CRKL: variants seen among roughly 807,000 people sequenced by gnomAD.
CRKL encodes the protein crk-like protein.
A neutral mutation model predicts 23.0 loss-of-function variants in CRKL; 3 were observed. The ratio of observed to expected loss-of-function variants is 0.13; its 90% CI spans 0.06 to 0.34. CRKL has a LOEUF of 0.34. Among genes scored for constraint, CRKL ranks in the 10% least tolerant of loss-of-function variants. The pLI is 1.00. For missense variants in CRKL, 256 were observed against 394.5 expected (o/e 0.65, Z 2.97); for synonymous variants, 188 against 160.7 (o/e 1.17, Z -1.28).
intron 2 of CRKL, among the ~76,000 whole-genome samples, chr22:20,938,800 A>G (rs1246404503): frequency 6.6e-6 from 1 of 152,162 alleles, no homozygotes; most frequent in Non-Finnish European, 1.5e-5. Context: ...ATTTGTATGA[A>G]AATTTGTATT....
chr22:20,931,950 T>C (rs1168047360), intron 1 of CRKL, among the ~76,000 whole-genome samples: 2 of 151,754 alleles, frequency 1.3e-5, no homozygotes, highest in Non-Finnish European at 2.9e-5. Flanking sequence ...TAAGTGGGAC[T>C]ACAGGCACCC....
intron 2 of CRKL, among the ~76,000 whole-genome samples, chr22:20,935,718 GT>G (rs1296070433): frequency 6.6e-6 from 1 of 151,566 alleles, no homozygotes; most frequent in Non-Finnish European, 1.5e-5. Flanking sequence ...TAGAGACGGG[GT>G]TTCACCATGT....
intron 1 of CRKL, among the ~76,000 whole-genome samples, chr22:20,926,906 G>A (rs1018871809): frequency 3.3e-5 from 5 of 151,834 alleles, no homozygotes; most frequent in African/African-American, 4.8e-5. Flanking sequence ...GAGCTCATGC[G>A]TTCGAGACCA....
chr22:20,918,125 A>G lies in CRKL; in HGVS notation c.191A>G (p.Asn64Ser), dbSNP rs766496631. 1.9e-6 allele frequency: 3 copies of G among 1,613,788 alleles called. No individual in the cohort carries two copies. Among genetic ancestry groups the G allele is most frequent in the Admixed American group, 3.3e-5 (2 of 59,986 alleles). Reference sequence around the variant, plus strand: ...TCGCGGGTCTCCCACTACATCATCAACTCGCTGCCCAACCGCCGTTTTAAG... The same window carrying G: ...TCGCGGGTCTCCCACTACATCATCAGCTCGCTGCCCAACCGCCGTTTTAAG... ...ENSRVSHYII[N>S]SLPNRRFKIG... The change falls in exon 1 of 3, where the codon AAC (asparagine) becomes AGC (serine). Residue 64 changes from asparagine (N) to serine (S), a missense_variant. Physicochemically the swap from Asn to Ser is conservative, Grantham distance 46. Transcript: ENST00000354336.
chr22:20,922,279 C>G (rs2147895295), intron 1 of CRKL, among the ~76,000 whole-genome samples: 1 of 152,132 alleles, frequency 6.6e-6, no homozygotes, highest in Non-Finnish European at 1.5e-5. Flanking sequence ...CCTCAGCCTC[C>G]CAAAGTGCTG....
intron 1 of CRKL, among the ~76,000 whole-genome samples, chr22:20,926,318 T>C (rs1383154745): frequency 6.6e-6 from 1 of 152,184 alleles, no homozygotes; most frequent in Admixed American, 6.6e-5. Flanking sequence ...AGTTTTACTT[T>C]TGAGAAACTG....
At chr22:20,926,567 G>C (rs1181534958) in intron 1 of CRKL, among the ~76,000 whole-genome samples, 1 of 152,142 alleles carries the variant, frequency 6.6e-6, no homozygotes, top group Non-Finnish European at 1.5e-5. Context: ...CTGGAAGCCA[G>C]GTGGTATTTA....
At position 20,917,876 on chromosome 22, in the gene CRKL, T is replaced by A. The variant is rs2147891059; in HGVS notation, c.-59T>A. The A allele has an allele frequency of 6.5e-7, 1 of 1,536,160 alleles. No homozygotes were observed. Among genetic ancestry groups the A allele is most frequent in the South Asian group, 1.2e-5 (1 of 82,656 alleles). On this transcript the variant is annotated 5_prime_UTR_variant, in exon 1 of 3. Transcript: ENST00000354336. Reference sequence around the variant, plus strand: ...CAAAGCCGTCTGCCGGGCTAAGGCGTGCAGAGCAGGCGAGGACAGCCGCCG... The same window carrying A: ...CAAAGCCGTCTGCCGGGCTAAGGCGAGCAGAGCAGGCGAGGACAGCCGCCG...
At chr22:20,945,869 G>T (rs1405798721) in intron 2 of CRKL, among the ~76,000 whole-genome samples, 1 of 152,222 alleles carries the variant, frequency 6.6e-6, no homozygotes, top group East Asian at 1.9e-4. Context: ...TGAATGACTA[G>T]AGGAATAAAA....
At chr22:20,927,658 C>A (rs1465292008) in intron 1 of CRKL, among the ~76,000 whole-genome samples, 1 of 149,884 alleles carries the variant, frequency 6.7e-6, no homozygotes, top group East Asian at 2.0e-4. Context: ...GCCTGGCCAA[C>A]GTGGTGAAAC....
In CRKL at chr22:20,925,173, C is replaced by G. The variant is rs1172091935; in HGVS notation, c.311+6928C>G. Among the ~76,000 whole-genome samples, 4 of 118,304 alleles carry G rather than the reference C, an allele frequency of 3.4e-5. No homozygotes were observed. The Admixed American group carries it at 3.5e-4, about 10-fold the overall frequency. The allele number at this position is 118,304 out of a possible 152,430, so 77.6% of individuals were successfully genotyped here. ...ACTGCACTCCAGCCTGCCAACAGAGCGAGACTCCGTCTCAAAAAAAAAAAA... is the reference window on the plus strand; with the variant it reads ...ACTGCACTCCAGCCTGCCAACAGAGGGAGACTCCGTCTCAAAAAAAAAAAA... On this transcript the variant is annotated intron_variant, in intron 1 of 2. Transcript: ENST00000354336.
At chr22:20,923,870 G>A (rs1325730389) in intron 1 of CRKL, among the ~76,000 whole-genome samples, 1 of 151,198 alleles carries the variant, frequency 6.6e-6, no homozygotes, top group Non-Finnish European at 1.5e-5. Flanking sequence ...AAGTCACCGC[G>A]CCTGGCTACT....
At chr22:20,939,123 C>T (rs1201968504) in intron 2 of CRKL, among the ~76,000 whole-genome samples, 2 of 152,004 alleles carry the variant, frequency 1.3e-5, no homozygotes, top group African/African-American at 2.4e-5. Context: ...AAAACATTCA[C>T]TTCAACAAAA....
chr22:20,940,782 C>G (rs1189891844), intron 2 of CRKL, among the ~76,000 whole-genome samples: 1 of 152,090 alleles, frequency 6.6e-6, no homozygotes, highest in African/African-American at 2.4e-5. Flanking sequence ...TTGAATTGGC[C>G]TTCCCAAGGG....
intron 1 of CRKL, among the ~76,000 whole-genome samples, chr22:20,926,537 ATCTT>A (rs1921209434): frequency 6.6e-6 from 1 of 152,146 alleles, no homozygotes; most frequent in Non-Finnish European, 1.5e-5. Context: ...AACAGGAAGA[ATCTT>A]TCTTTGAGGT....
At chr22:20,941,017 CCTCCT>C (rs1921851356) in intron 2 of CRKL, among the ~76,000 whole-genome samples, 1 of 151,968 alleles carries the variant, frequency 6.6e-6, no homozygotes, top group South Asian at 2.1e-4. Context: ...ATCATGAGTT[CCTCCT>C]GCTGGGTGGC....
rs144180798 is a variant in CRKL at position 20,918,141 on chromosome 22, C to G, written c.207C>G (p.Arg69=). ...SHYIINSLPN[R]RFKIGDQEFD... is the part of the protein sequence containing the mutation. ...ACATCATCAACTCGCTGCCCAACCG[C>G]CGTTTTAAGATCGGGGACCAGGAAT... is the stretch of plus-strand genomic sequence containing the variant. The change falls in exon 1 of 3, where the codon CGC becomes CGG. Residue 69 remains arginine (R), a synonymous_variant. Coordinates refer to ENST00000354336, the MANE Select transcript of CRKL (RefSeq NM_005207.4). 1 of 1,614,090 alleles carries G rather than the reference C, an allele frequency of 6.2e-7. No homozygotes were observed. Among genetic ancestry groups the G allele is most frequent in the African/African-American group, 1.3e-5 (1 of 74,932 alleles).
At chr22:20,923,576 ATTTTT>A (rs34489759) in intron 1 of CRKL, among the ~76,000 whole-genome samples, 1 of 119,856 alleles carries the variant, frequency 8.3e-6, no homozygotes, top group African/African-American at 3.2e-5. Context: ...CGCGCCTGGC[ATTTTT>A]TTTTTTTTTT....
chr22:20,923,433 A>G (rs1467789050), intron 1 of CRKL, among the ~76,000 whole-genome samples: 1 of 149,042 alleles, frequency 6.7e-6, no homozygotes, highest in Non-Finnish European at 1.5e-5. Flanking sequence ...GCCCGCCACC[A>G]TGCCCGGGTA....
Sources: gnomAD v4.1 joint callset for allele counts (sites outside exome capture counted in the v4.1 genomes callset) on GRCh38, gnomAD v4.1.1 for gene constraint, MANE v1.5 for transcripts, NCBI Gene and HGNC (gene_info 2026-07-23, HGNC 2026-07-21) for gene names.